Variants in CERT1 observed in about 807,000 individuals in gnomAD.
CERT1 encodes the protein ceramide transporter 1.
A neutral mutation model predicts 87.9 loss-of-function variants in CERT1; 31 were observed. The ratio of observed to expected loss-of-function variants is 0.35; its 90% CI spans 0.27 to 0.48. CERT1 has a LOEUF of 0.48. Ranked by LOEUF, CERT1 falls within the 20% of genes least tolerant of loss-of-function variation. CERT1 has a pLI of 0.99. For missense variants in CERT1, 487 were observed against 758.0 expected, an observed-to-expected ratio of 0.64 and a Z score of 4.20; for synonymous variants, 289 against 250.9, an observed-to-expected ratio of 1.15 and a Z score of -1.44.
intron 2 of CERT1, among the ~76,000 whole-genome samples, chr5:75,490,021 A>G (rs1425606177): frequency 3.3e-5 from 5 of 152,250 alleles, no homozygotes; most frequent in African/African-American, 1.2e-4. Context: ...CAGCCATAAA[A>G]AAGAATGAGT....
At chr5:75,510,762 T>A (rs796429730) in intron 1 of CERT1, among the ~76,000 whole-genome samples, 16 of 152,224 alleles carry the variant, frequency 1.1e-4, no homozygotes, top group African/African-American at 3.9e-4. Flanking sequence ...AGGTCCGACT[T>A]GAACCGCTCC....
chr5:75,447,458 A>ATTTATTTATTTT (rs1764594131), intron 3 of CERT1, among the ~76,000 whole-genome samples: 1 of 150,556 alleles, frequency 6.6e-6, no homozygotes, highest in African/African-American at 2.4e-5. Flanking sequence ...TTATTTATTT[A>ATTTATTTATTTT]TTTATTTATT....
At chr5:75,511,798 G>T, upstream of CERT1, 1 of 1,551,554 alleles carries the variant, frequency 6.4e-7, no homozygotes, top group Non-Finnish European at 8.7e-7. Context: ...AAAAGCAGGA[G>T]GAGCGGAGAA....
chr5:75,403,642 G>A (rs1762590933), intron 8 of CERT1, among the ~76,000 whole-genome samples: 1 of 152,180 alleles, frequency 6.6e-6, no homozygotes, highest in African/African-American at 2.4e-5. Context: ...TTCAGAGGCG[G>A]ATCTTCCTAA....
rs891968952 is a variant in CERT1 at position 75,479,291 on chromosome 5, CT to C, written c.232-20111del. Among the ~76,000 whole-genome samples the C allele has an allele frequency of 1.5e-3, 227 of 151,128 alleles. 1 individual carries two copies. Among genetic ancestry groups the C allele is most frequent in the African/African-American group, 4.9e-3 (202 of 41,194 alleles). On this transcript the variant is annotated intron_variant, in intron 2 of 16. Transcript: ENST00000643780. ...GATGATGGAATAAGATTTTTACAGT[CT>C]TTTTTTTTAACTTTTATTTTAGGTT... is the stretch of plus-strand genomic sequence containing the variant.
chr5:75,440,363 T>C (rs1225054924), intron 3 of CERT1, among the ~76,000 whole-genome samples: 8 of 152,116 alleles, frequency 5.3e-5, no homozygotes, highest in African/African-American at 1.9e-4. Flanking sequence ...CCCTATTTGC[T>C]TACCCTCAAG....
chr5:75,374,370 T>TTGTAACAAACCTTACAA (rs1761203334), downstream of CERT1: 4 of 538,468 alleles, frequency 7.4e-6, no homozygotes, highest in Non-Finnish European at 1.3e-5. Context: ...AATTTGAACT[T>TTGTAACAAACCTTACAA]ATTCCATCAG....
At chr5:75,374,146 T>A, downstream of CERT1, 1 of 400,036 alleles carries the variant, frequency 2.5e-6, no homozygotes. Flanking sequence ...CTTTTTTTTT[T>A]CTTTTTTTCT....
rs145420564 is a variant in CERT1 at position 75,463,750 on chromosome 5, A to G, written c.232-4569T>C. ...GGCTTTATAGGGTGCTAAAGTTGAG[A>G]CGGGAGGTCAGTCTCAAATCTATCT... On this transcript the variant is annotated intron_variant, in intron 2 of 16. Coordinates refer to ENST00000643780, the MANE Select transcript of CERT1 (RefSeq NM_001379029.1). Among the ~76,000 whole-genome samples, 962 of 152,264 alleles carry G rather than the reference A, an allele frequency of 6.3e-3. 11 individuals carry two copies. Among genetic ancestry groups the G allele is most frequent in the African/African-American group, 0.022 (933 of 41,558 alleles).
In CERT1 at chr5:75,433,096, T is replaced by C. The variant is rs79432463; in HGVS notation, c.349-6618A>G. On this transcript the variant is annotated intron_variant, in intron 3 of 16. Transcript: ENST00000643780. ...CCAGTACTATGCTGTTTTGTTACTG[T>C]AGCATTGTAATACAGTTTAAAATTA... Among the ~76,000 whole-genome samples, 318 of 152,356 alleles carry C rather than the reference T, an allele frequency of 2.1e-3. 1 individual carries two copies. The East Asian group carries it at 0.027, about 13-fold the overall frequency.
At chr5:75,461,473 C>G (rs1765226005) in intron 2 of CERT1, among the ~76,000 whole-genome samples, 1 of 151,864 alleles carries the variant, frequency 6.6e-6, no homozygotes, top group South Asian at 2.1e-4. Flanking sequence ...AAATGCTAAT[C>G]TAAAGAACCA....
chr5:75,404,756 C>G (rs1053142007), intron 8 of CERT1, among the ~76,000 whole-genome samples: 1 of 152,126 alleles, frequency 6.6e-6, no homozygotes, highest in African/African-American at 2.4e-5. Context: ...TGCCTATAAA[C>G]CCAGCACTCT....
chr5:75,466,861 T>C (rs1268537273), intron 2 of CERT1, among the ~76,000 whole-genome samples: 2 of 152,234 alleles, frequency 1.3e-5, no homozygotes, highest in South Asian at 2.1e-4. Flanking sequence ...GTTTTTCTTT[T>C]ATTCTTTCAC....
chr5:75,493,837 T>C (rs758073067), intron 2 of CERT1, among the ~76,000 whole-genome samples: 4 of 152,190 alleles, frequency 2.6e-5, no homozygotes, highest in Non-Finnish European at 5.9e-5. Flanking sequence ...ATGTCCTATT[T>C]ACTACCTTTA....
intron 8 of CERT1, among the ~76,000 whole-genome samples, chr5:75,403,269 A>C (rs1359386791): frequency 6.6e-6 from 1 of 152,196 alleles, no homozygotes; most frequent in East Asian, 1.9e-4. Flanking sequence ...ATATTTACTT[A>C]CTGTATATTG....
intron 2 of CERT1, among the ~76,000 whole-genome samples, chr5:75,480,354 G>T (rs961822571): frequency 1.3e-5 from 2 of 152,148 alleles, no homozygotes; most frequent in Non-Finnish European, 2.9e-5. Flanking sequence ...AAAGTCCTTT[G>T]TAGAAGCTGG....
intron 3 of CERT1, among the ~76,000 whole-genome samples, chr5:75,442,128 C>T (rs1336694181): frequency 1.3e-5 from 2 of 152,180 alleles, no homozygotes; most frequent in African/African-American, 4.8e-5. Context: ...ATTAATTTGA[C>T]TCTGTCACTC....
At chr5:75,447,477 T>TATTTATTTATTTA (rs575951035) in intron 3 of CERT1, among the ~76,000 whole-genome samples, 10 of 129,456 alleles carry the variant, frequency 7.7e-5, no homozygotes, top group African/African-American at 3.6e-4. Flanking sequence ...TTTATTTATT[T>TATTTATTTATTTA]TTTATTTTTT....
At chr5:75,491,324 T>C (rs1341061262) in intron 2 of CERT1, among the ~76,000 whole-genome samples, 1 of 152,208 alleles carries the variant, frequency 6.6e-6, no homozygotes, top group Non-Finnish European at 1.5e-5. Flanking sequence ...AATTTTTTCC[T>C]TGACCATCCA....
Sources: gnomAD v4.1 joint callset for allele counts (sites outside exome capture counted in the v4.1 genomes callset) on GRCh38, gnomAD v4.1.1 for gene constraint, MANE v1.5 for transcripts, NCBI Gene and HGNC (gene_info 2026-07-23, HGNC 2026-07-21) for gene names.